ZC2HC1A: variants seen among roughly 807,000 people sequenced by gnomAD.
ZC2HC1A encodes zinc finger C2HC domain-containing protein 1A.
ZC2HC1A carries 28 observed loss-of-function variants against 40.7 expected under a neutral mutation model. That is an observed-to-expected ratio of 0.69 (90% CI 0.51 to 0.94). The LOEUF (loss-of-function observed/expected upper bound fraction) is 0.94. ZC2HC1A is among the 40% of genes least tolerant of loss of function. The pLI is 0.00. For missense variants in ZC2HC1A, 389 were observed against 386.3 expected (o/e 1.01, Z -0.06); for synonymous variants, 129 against 129.2 (o/e 1.00, Z 0.01).
At chr8:78,711,381 T>A (rs1311638516) in intron 7 of ZC2HC1A, among the ~76,000 whole-genome samples, 3 of 152,098 alleles carry the variant, frequency 2.0e-5, no homozygotes, top group Admixed American at 6.6e-5. Context: ...TGTGTGTGTG[T>A]ATATATAGGC....
intron 7 of ZC2HC1A, among the ~76,000 whole-genome samples, chr8:78,705,467 G>A (rs1489818201): frequency 1.3e-5 from 2 of 152,312 alleles, no homozygotes; most frequent in African/African-American, 4.8e-5. Flanking sequence ...CTTCATTTTA[G>A]GGATGCCTCA....
intron 3 of ZC2HC1A, among the ~76,000 whole-genome samples, chr8:78,684,447 C>T (rs1329702616): frequency 1.3e-5 from 2 of 152,104 alleles, no homozygotes; most frequent in East Asian, 3.9e-4. Context: ...GAAACCTGCC[C>T]CCGTGATTCA....
intron 1 of ZC2HC1A, among the ~76,000 whole-genome samples, chr8:78,675,181 T>TTATTTA (rs1809541964): frequency 6.6e-6 from 1 of 151,702 alleles, no homozygotes; most frequent in Non-Finnish European, 1.5e-5. Flanking sequence ...TTTATTTAAT[T>TTATTTA]TTGTTTGTAA....
In ZC2HC1A at chr8:78,698,504, C is replaced by T. The variant is rs1345959075; in HGVS notation, c.695C>T (p.Pro232Leu). The T allele has an allele frequency of 6.2e-7, 1 of 1,607,106 alleles. No homozygotes were observed. Among genetic ancestry groups the T allele is most frequent in the Admixed American group, 1.7e-5 (1 of 59,420 alleles). Residue 232 changes from proline to leucine, a missense_variant, in exon 7 of 9, where the codon CCT becomes CTT. Pro to Leu is a moderately conservative substitution (Grantham distance 98, BLOSUM62 -3). Coordinates refer to ENST00000263849, the MANE Select transcript of ZC2HC1A (RefSeq NM_016010.3). Reference protein sequence around the residue: ...LSPSHKGIAAPHAGANVKPRN... With the variant: ...LSPSHKGIAALHAGANVKPRN... ...CCCTCTCATAAAGGGATAGCAGCCCCTCATGCAGGGTAAGTCTACACTGGA... is the reference window on the plus strand; with the variant it reads ...CCCTCTCATAAAGGGATAGCAGCCCTTCATGCAGGGTAAGTCTACACTGGA...
chr8:78,713,916 T>C (rs947682513), intron 7 of ZC2HC1A, among the ~76,000 whole-genome samples: 1 of 152,142 alleles, frequency 6.6e-6, no homozygotes, highest in African/African-American at 2.4e-5. Flanking sequence ...GGCTTCATAA[T>C]TGTCATGTAG....
At chr8:78,707,631 T>A (rs1490776216) in intron 7 of ZC2HC1A, among the ~76,000 whole-genome samples, 1 of 152,232 alleles carries the variant, frequency 6.6e-6, no homozygotes, top group Non-Finnish European at 1.5e-5. Flanking sequence ...TTTTTGGCTA[T>A]CCCACATCAT....
intron 7 of ZC2HC1A, among the ~76,000 whole-genome samples, chr8:78,706,684 G>T (rs750847321): frequency 6.6e-6 from 1 of 152,104 alleles, no homozygotes; most frequent in Non-Finnish European, 1.5e-5. Context: ...AGATGAAGGT[G>T]CTGTATTTAC....
chr8:78,706,888 A>G (rs1046758679), intron 7 of ZC2HC1A, among the ~76,000 whole-genome samples: 2 of 152,214 alleles, frequency 1.3e-5, no homozygotes, highest in African/African-American at 4.8e-5. Flanking sequence ...AGGAAAAAAA[A>G]ATCAACCAAC....
At chr8:78,668,765 C>T (rs1489897322) in intron 1 of ZC2HC1A, among the ~76,000 whole-genome samples, 1 of 152,052 alleles carries the variant, frequency 6.6e-6, no homozygotes, top group Non-Finnish European at 1.5e-5. Context: ...AATTTGTGCC[C>T]CACAAAATCT....
intron 7 of ZC2HC1A, among the ~76,000 whole-genome samples, chr8:78,706,466 G>A (rs1471402321): frequency 6.6e-6 from 1 of 152,132 alleles, no homozygotes. Flanking sequence ...CTTCACAAGG[G>A]CGTCTCTTGA....
Position 78,701,632 on chromosome 8 carries a change from C to T in ZC2HC1A, c.704+3119C>T, listed in dbSNP as rs148853025. ...TTCAGTATGATGTTGGCTGTGGATT[C>T]GTCATAAGTGGCTAATATTTTGAGG... On this transcript the variant is annotated intron_variant, in intron 7 of 8. Transcript: ENST00000263849. Among the ~76,000 whole-genome samples, 30 of 152,214 alleles carry T rather than the reference C, an allele frequency of 2.0e-4. 1 individual carries two copies. The East Asian group carries it at 4.6e-3, about 24-fold the overall frequency.
intron 5 of ZC2HC1A, 52 bp from the exon 6 acceptor site, chr8:78,697,355 A>G: frequency 7.0e-7 from 1 of 1,424,950 alleles, no homozygotes; most frequent in Non-Finnish European, 9.6e-7. Context: ...ACTACTTTAC[A>G]ATCCATAATC....
chr8:78,666,125 C>G lies in ZC2HC1A; in HGVS notation c.-24C>G, dbSNP rs748053506. On this transcript the variant is annotated 5_prime_UTR_variant, in exon 1 of 9. Transcript: ENST00000263849. ...GTGGCGGGCGCTGCTGAAGGAGTCT[C>G]GCTGAGCTCGAGGAGGTGGCGCGAT... The G allele has an allele frequency of 2.6e-6, 4 of 1,564,422 alleles. No individual in the cohort carries two copies. The highest frequency in any genetic ancestry group is 3.8e-5 in the Admixed American group (2 of 52,044).
Position 78,710,980 on chromosome 8 carries a change from T to C in ZC2HC1A, c.705-4241T>C, listed in dbSNP as rs190031881. On this transcript the variant is annotated intron_variant, in intron 7 of 8. Coordinates refer to ENST00000263849, the MANE Select transcript of ZC2HC1A (RefSeq NM_016010.3). ...AAATGAACACATTCTTTTCAGACAC[T>C]AAACTCCATAAGAACAGGTATCAGA... 1.7e-3 allele frequency among the ~76,000 whole-genome samples: 261 copies of C among 152,196 alleles called. 1 individual carries two copies. Among genetic ancestry groups the C allele is most frequent in the Non-Finnish European group, 2.7e-3 (181 of 67,956 alleles).
intron 5 of ZC2HC1A, among the ~76,000 whole-genome samples, chr8:78,693,194 G>A (rs1378445369): frequency 5.9e-5 from 9 of 152,246 alleles, no homozygotes; most frequent in African/African-American, 1.4e-4. Context: ...ATAAACATAC[G>A]TGTTTATGTG....
In ZC2HC1A at chr8:78,672,596, T is replaced by C. The variant is rs181249927; in HGVS notation, c.17-3191T>C. 1.8e-3 allele frequency among the ~76,000 whole-genome samples: 274 copies of C among 152,308 alleles called. 1 individual carries two copies. The highest frequency in any genetic ancestry group is 6.3e-3 in the African/African-American group (260 of 41,576). On this transcript the variant is annotated intron_variant, in intron 1 of 8. Coordinates refer to ENST00000263849, the MANE Select transcript of ZC2HC1A (RefSeq NM_016010.3). ...GATAAATTTTGTTTTTAAGGTTTAG[T>C]AATTTACCGTAGAGATAACCTTTAA...
chr8:78,684,532 G>T (rs1172610100), intron 3 of ZC2HC1A, among the ~76,000 whole-genome samples: 1 of 152,080 alleles, frequency 6.6e-6, no homozygotes, highest in Non-Finnish European at 1.5e-5. Flanking sequence ...TTTGGGTGGG[G>T]ACACAGCCAA....
chr8:78,715,235 C>G lies in ZC2HC1A; in HGVS notation c.719C>G (p.Pro240Arg). The change falls in exon 8 of 9, where the codon CCC becomes CGC. Residue 240 changes from proline (P) to arginine (R), a missense_variant. Pro to Arg is a moderately radical substitution (Grantham distance 103, BLOSUM62 -2). Coordinates refer to ENST00000263849, the MANE Select transcript of ZC2HC1A (RefSeq NM_016010.3). ...CTTTTTTATAGAGCTAATGTCAAAC[C>G]CCGAAATTCCACACCACCTAGTTTG... ...AAPHAGANVKPRNSTPPSLAR... is the reference protein window; with the variant it reads ...AAPHAGANVKRRNSTPPSLAR... The G allele has an allele frequency of 6.2e-7, 1 of 1,613,354 alleles. No individual in the cohort carries two copies. Among genetic ancestry groups the G allele is most frequent in the Non-Finnish European group, 8.5e-7 (1 of 1,179,734 alleles).
At chr8:78,708,418 C>G (rs2130590946) in intron 7 of ZC2HC1A, among the ~76,000 whole-genome samples, 1 of 152,128 alleles carries the variant, frequency 6.6e-6, no homozygotes, top group East Asian at 1.9e-4. Context: ...TGCCTCACAC[C>G]TGTAATCCCA....
Sources: gnomAD v4.1 joint callset for allele counts (sites outside exome capture counted in the v4.1 genomes callset) on GRCh38, gnomAD v4.1.1 for gene constraint, MANE v1.5 for transcripts, NCBI Gene and HGNC (gene_info 2026-07-23, HGNC 2026-07-21) for gene names.